Variants in MID1 observed in about 807,000 individuals in gnomAD.
MID1 encodes E3 ubiquitin-protein ligase Midline-1.
A neutral mutation model predicts 40.4 loss-of-function variants in MID1; 7 were observed. The ratio of observed to expected loss-of-function variants is 0.17; its 90% CI spans 0.10 to 0.33. The LOEUF (loss-of-function observed/expected upper bound fraction) is 0.33, where lower values mean the gene tolerates loss of function less well. Ranked by LOEUF, MID1 falls within the 10% of genes least tolerant of loss-of-function variation. The pLI, the probability that MID1 is intolerant of heterozygous loss-of-function variation, is 1.00. For synonymous variants in MID1, 229 were observed against 221.2 expected (o/e 1.04, Z -0.31); for missense variants, 367 against 558.5 (o/e 0.66, Z 3.46).
chrX:10,549,184 T>C (rs1328956901), intron 2 of MID1, among the ~76,000 whole-genome samples: 4 of 112,901 alleles, frequency 3.5e-5, no homozygotes, highest in Non-Finnish European at 7.5e-5. Flanking sequence ...AAGACACAGA[T>C]AATGAAAATT....
chrX:10,811,030 T>C (rs1055882687), intron 1 of MID1, among the ~76,000 whole-genome samples: 2 of 110,955 alleles, frequency 1.8e-5, no homozygotes, highest in Non-Finnish European at 3.8e-5. Context: ...ATGATCTCCT[T>C]TTCCTGGGGG....
At chrX:10,594,245 T>C in intron 1 of MID1, among the ~76,000 whole-genome samples, 1 of 111,907 alleles carries the variant, frequency 8.9e-6, no homozygotes, top group South Asian at 3.7e-4. Flanking sequence ...ATTTTAGATC[T>C]CAATCTGTAA....
intron 1 of MID1, among the ~76,000 whole-genome samples, chrX:10,731,240 A>G (rs948914212): frequency 1.4e-4 from 16 of 112,105 alleles, no homozygotes; most frequent in African/African-American, 4.9e-4. Flanking sequence ...ATTACATTAA[A>G]TATAAAGAAA....
intron 3 of MID1, among the ~76,000 whole-genome samples, chrX:10,509,880 A>G (rs767967074): frequency 8.9e-6 from 1 of 112,317 alleles, no homozygotes; most frequent in African/African-American, 3.2e-5. Context: ...TAAACGCAGC[A>G]TACTAGGAAG....
chrX:10,550,804 C>T (rs1392511542), intron 2 of MID1, among the ~76,000 whole-genome samples: 3 of 111,022 alleles, frequency 2.7e-5, no homozygotes, highest in Non-Finnish European at 1.9e-5. Context: ...ACCCATTGTG[C>T]GCCAGTGGCA....
intron 1 of MID1, among the ~76,000 whole-genome samples, chrX:10,689,422 C>T (rs1471685792): frequency 9.0e-5 from 10 of 111,240 alleles, no homozygotes; most frequent in South Asian, 3.9e-4. Context: ...AGGGGAAATC[C>T]GCCCCATGAT....
upstream of MID1, among the ~76,000 whole-genome samples, chrX:10,621,841 C>A (rs892031158): frequency 9.3e-6 from 1 of 107,753 alleles, no homozygotes; most frequent in Admixed American, 1.0e-4. Flanking sequence ...TTCAGGATTT[C>A]TCAATCTCAG....
At chrX:10,727,151 G>A (rs1330165486) in intron 1 of MID1, among the ~76,000 whole-genome samples, 2 of 111,870 alleles carry the variant, frequency 1.8e-5, no homozygotes, top group Non-Finnish European at 3.8e-5. Context: ...TTTCACTCTT[G>A]TTGCCCAGGC....
intron 1 of MID1, among the ~76,000 whole-genome samples, chrX:10,601,766 T>C (rs60033487): frequency 0.011 from 1,242 of 111,779 alleles, 20 homozygotes; most frequent in African/African-American, 0.039. Context: ...CATTTTTTTT[T>C]CCAATTATTG....
chrX:10,588,101 A>ACACACAG (rs2147502405), intron 1 of MID1, among the ~76,000 whole-genome samples: 1 of 112,328 alleles, frequency 8.9e-6, no homozygotes, highest in South Asian at 3.7e-4. Context: ...TAATATGTTT[A>ACACACAG]CACACAGAAT....
chrX:10,678,951 CAA>C (rs1166096371), intron 1 of MID1, among the ~76,000 whole-genome samples: 1 of 111,247 alleles, frequency 9.0e-6, no homozygotes, highest in East Asian at 2.8e-4. Context: ...ATACCACCAC[CAA>C]TCTGGGGTTG....
At chrX:10,713,630 G>A (rs2043283269) in intron 1 of MID1, among the ~76,000 whole-genome samples, 1 of 112,581 alleles carries the variant, frequency 8.9e-6, no homozygotes, top group African/African-American at 3.2e-5. Flanking sequence ...GCCTGAAAGA[G>A]AATTTTTAAA....
intron 1 of MID1, among the ~76,000 whole-genome samples, chrX:10,707,290 C>T (rs147519322): frequency 1.7e-4 from 19 of 111,125 alleles, no homozygotes; most frequent in African/African-American, 6.2e-4. Context: ...TTGCCTTCAC[C>T]GCGGAAGGGG....
At chrX:10,828,064 T>C (rs1444129991) in intron 1 of MID1, among the ~76,000 whole-genome samples, 4 of 111,438 alleles carry the variant, frequency 3.6e-5, no homozygotes, top group African/African-American at 1.3e-4. Flanking sequence ...TAAGAAAACA[T>C]TGTGTTATAG....
intron 2 of MID1, among the ~76,000 whole-genome samples, chrX:10,538,725 G>A (rs1203975034): frequency 1.8e-5 from 2 of 111,895 alleles, no homozygotes; most frequent in Non-Finnish European, 3.8e-5. Context: ...TCTCAGTTAC[G>A]TCTTTCTACT....
intron 1 of MID1, among the ~76,000 whole-genome samples, chrX:10,749,444 C>T (rs2043583502): frequency 8.9e-6 from 1 of 112,145 alleles, no homozygotes; most frequent in Non-Finnish European, 1.9e-5. Context: ...TTAGTACTCA[C>T]CTTGAAGAAA....
chrX:10,641,365 A>C (rs1936192863), intron 1 of MID1, among the ~76,000 whole-genome samples: 1 of 112,179 alleles, frequency 8.9e-6, no homozygotes, highest in African/African-American at 3.2e-5. Flanking sequence ...AGAAATACAA[A>C]CAACCATCAG....
At chrX:10,503,500 A>T (rs1469981118) in intron 3 of MID1, among the ~76,000 whole-genome samples, 2 of 112,455 alleles carry the variant, frequency 1.8e-5, no homozygotes, top group Non-Finnish European at 3.8e-5. Flanking sequence ...TGTTAATTTA[A>T]TATTTAACAT....
At chrX:10,477,552 C>T (rs1930080890) in intron 5 of MID1, among the ~76,000 whole-genome samples, 1 of 112,205 alleles carries the variant, frequency 8.9e-6, no homozygotes, top group South Asian at 3.7e-4. Context: ...GGAAATCTGC[C>T]AAATTCAACA....
Sources: allele counts gnomAD v4.1 joint callset (sites outside exome capture counted in the v4.1 genomes callset), GRCh38; gene constraint gnomAD v4.1.1; transcripts MANE v1.5; gene names NCBI Gene and HGNC (gene_info 2026-07-23, HGNC 2026-07-21).